Variants in KIAA0753 observed in about 807,000 individuals in gnomAD.
The protein encoded by KIAA0753 is protein moonraker.
In KIAA0753, 114 loss-of-function variants were observed where a neutral mutation model predicts 116.9. The observed-to-expected ratio is 0.98, with a 90% CI of 0.84 to 1.14. The LOEUF (loss-of-function observed/expected upper bound fraction) is 1.14. Among genes scored for constraint, KIAA0753 ranks in the 50% most tolerant of loss-of-function variants. The pLI is 0.00. For missense variants in KIAA0753, 1,156 were observed against 1,172.4 expected, an observed-to-expected ratio of 0.99 and a Z score of 0.20; for synonymous variants, 405 against 413.1, an observed-to-expected ratio of 0.98 and a Z score of 0.24.
rs1971820160 is a variant in KIAA0753, at chr17:6,628,483, TTA to T, written c.350_351del (p.Ile117LysfsTer19). Reference sequence around the variant, plus strand: ...GGCTGACTTCTGAGATGATGTTCTTTTATATGTTTTTCAAATTGTCTTCGTTT... The same window carrying T: ...GGCTGACTTCTGAGATGATGTTCTTTTATGTTTTTCAAATTGTCTTCGTTT... ...DVKRRQFEKH[I>X]KEHHLRSQPQ... On this transcript the variant is annotated frameshift_variant, in exon 3 of 19. Transcript: ENST00000361413. LOFTEE classifies it high-confidence loss of function. 1 of 1,614,098 alleles carries T rather than the reference TTA, an allele frequency of 6.2e-7. No individual in the cohort carries two copies. The highest frequency in any genetic ancestry group is 1.3e-5 in the African/African-American group (1 of 74,928).
Position 6,610,023 on chromosome 17 carries a change from G to GT in KIAA0753, c.1682dup (p.Asn561LysfsTer10). On this transcript the variant is annotated frameshift_variant, in exon 9 of 19. Coordinates refer to ENST00000361413, the MANE Select transcript of KIAA0753 (RefSeq NM_014804.3). LOFTEE classifies it high-confidence loss of function. ...TAGGAGACGCTGGTGGGGATGTGGG[G>GT]TTTGGGGGTATCCATGGTGCCTTGC... 2 of 1,614,132 alleles carry GT rather than the reference G, an allele frequency of 1.2e-6. No individual in the cohort carries two copies. The highest frequency in any genetic ancestry group is 1.7e-6 in the Non-Finnish European group (2 of 1,179,994).
chr17:6,611,822 A>G (rs1213566556), intron 8 of KIAA0753, 97 bp downstream of exon 8: 1 of 916,070 alleles, frequency 1.1e-6, no homozygotes, highest in Non-Finnish European at 1.7e-6. Flanking sequence ...TGCAGCATCC[A>G]ATTGCCTGAG....
At chr17:6,603,816 G>A (rs749965020) in intron 12 of KIAA0753, among the ~76,000 whole-genome samples, 2 of 152,318 alleles carry the variant, frequency 1.3e-5, no homozygotes, top group Non-Finnish European at 2.9e-5. Flanking sequence ...AGGGGCAGCC[G>A]AGAAAGATGG....
chr17:6,633,600 CTTTA>C (rs139177377), intron 2 of KIAA0753, among the ~76,000 whole-genome samples: 1,895 of 152,236 alleles, frequency 0.012, 48 homozygotes, highest in African/African-American at 0.044. Flanking sequence ...TTCATAGCAG[CTTTA>C]TTTATAATAA....
intron 2 of KIAA0753, among the ~76,000 whole-genome samples, chr17:6,630,388 G>A (rs1971953917): frequency 6.6e-6 from 1 of 152,074 alleles, no homozygotes; most frequent in African/African-American, 2.4e-5. Context: ...TGGTGGTCAT[G>A]CAAATTGGCA....
chr17:6,584,461 A>G (rs1353268752), intron 18 of KIAA0753, among the ~76,000 whole-genome samples: 1 of 152,234 alleles, frequency 6.6e-6, no homozygotes, highest in African/African-American at 2.4e-5. Context: ...TTCACTTTCT[A>G]TATTCCTATC....
Position 6,620,777 on chromosome 17 carries a change from A to G in KIAA0753, c.1315+11T>C, listed in dbSNP as rs1481536557. On this transcript the variant is annotated intron_variant, in intron 7 of 18. Transcript: ENST00000361413. ...TAAAATGTCTTACAATAAACACTTT[A>G]AGACACATACCGGCAAGAAGCTGCT... 1 of 1,612,228 alleles carries G rather than the reference A, an allele frequency of 6.2e-7. No homozygotes were observed.
chr17:6,614,148 A>T (rs1970727121), intron 7 of KIAA0753, among the ~76,000 whole-genome samples: 1 of 152,248 alleles, frequency 6.6e-6, no homozygotes, highest in South Asian at 2.1e-4. Context: ...ATATCATTTT[A>T]AATCCATCAA....
chr17:6,587,229 CTAAAATAAAA>C (rs1158527995), intron 18 of KIAA0753, among the ~76,000 whole-genome samples: 1 of 151,480 alleles, frequency 6.6e-6, no homozygotes, highest in African/African-American at 2.4e-5. Flanking sequence ...GAGACTCCAT[CTAAAATAAAA>C]TAAAATAAAA....
intron 2 of KIAA0753, among the ~76,000 whole-genome samples, chr17:6,631,426 T>G (rs1972015409): frequency 6.6e-6 from 1 of 152,158 alleles, no homozygotes; most frequent in Non-Finnish European, 1.5e-5. Flanking sequence ...GTAAATATAT[T>G]GTGGATAATG....
rs769266598 is a variant in KIAA0753, at chr17:6,620,783, C to T, written c.1315+5G>A. ...GTCTTACAATAAACACTTTAAGACACATACCGGCAAGAAGCTGCTTTGCTA... is the reference window on the plus strand; with the variant it reads ...GTCTTACAATAAACACTTTAAGACATATACCGGCAAGAAGCTGCTTTGCTA... On this transcript the variant is annotated splice_donor_5th_base_variant and intron_variant, in intron 7 of 18. Transcript: ENST00000361413. The T allele has an allele frequency of 6.8e-6, 11 of 1,613,472 alleles. 1 individual carries two copies. In the South Asian group the frequency reaches 8.8e-5, roughly 13 times the overall value.
chr17:6,621,085 G>A, intron 6 of KIAA0753, 87 bp from the exon 7 acceptor site: 6 of 1,205,208 alleles, frequency 5.0e-6, no homozygotes, highest in Non-Finnish European at 7.1e-6. Flanking sequence ...GGACTCCAGG[G>A]AAATGTGTTA....
chr17:6,600,084 T>C (rs1969756130), intron 13 of KIAA0753, among the ~76,000 whole-genome samples: 1 of 152,222 alleles, frequency 6.6e-6, no homozygotes, highest in Non-Finnish European at 1.5e-5. Context: ...AAGCTGCTAA[T>C]GGAACACTAA....
intron 11 of KIAA0753, 83 bp from the exon 12 acceptor site, chr17:6,607,045 T>A: frequency 6.8e-7 from 1 of 1,462,154 alleles, no homozygotes. Flanking sequence ...GGCTCCCCCC[T>A]TGGCTTCTTA....
chr17:6,635,290 T>A (rs1380253616), intron 1 of KIAA0753, 119 bp from the exon 2 acceptor site: 4 of 442,060 alleles, frequency 9.0e-6, no homozygotes, highest in Non-Finnish European at 1.6e-5. Flanking sequence ...AACCTCATAC[T>A]GAGAGTGACT....
At chr17:6,636,323 G>C (rs1438716529) in intron 1 of KIAA0753, 1 of 152,214 alleles carries the variant, frequency 6.6e-6, no homozygotes, top group East Asian at 1.9e-4. Flanking sequence ...GTTGGCACAG[G>C]TGGGTGGCTG....
chr17:6,596,876 A>G (rs1207700195), intron 14 of KIAA0753, among the ~76,000 whole-genome samples: 1 of 152,204 alleles, frequency 6.6e-6, no homozygotes, highest in Non-Finnish European at 1.5e-5. Context: ...CCAGTTTCCA[A>G]AGCAATTTTA....
intron 2 of KIAA0753, among the ~76,000 whole-genome samples, chr17:6,632,113 G>A (rs151201312): frequency 1.3e-5 from 2 of 152,210 alleles, no homozygotes; most frequent in Admixed American, 6.5e-5. Context: ...TGTTGGCCAG[G>A]CTGGTCTTGA....
At chr17:6,640,487 C>G (rs1281695526) in intron 1 of KIAA0753, 150 bp downstream of exon 1, 1 of 152,248 alleles carries the variant, frequency 6.6e-6, no homozygotes. Context: ...GAACCCGCCC[C>G]CAGTCCCAGG....
Sources: allele counts gnomAD v4.1 joint callset (sites outside exome capture counted in the v4.1 genomes callset), GRCh38; gene constraint gnomAD v4.1.1; transcripts MANE v1.5; gene names NCBI Gene and HGNC (gene_info 2026-07-23, HGNC 2026-07-21).